The following MYO6 variants were observed in gnomAD, a reference collection of about 807,000 sequenced individuals.
MYO6 encodes the protein myosin VI.
Under a neutral mutation model 178.7 loss-of-function variants are expected in MYO6, and 74 were observed. That is an observed-to-expected ratio of 0.41 (90% CI 0.34 to 0.50). MYO6 has a LOEUF of 0.50. MYO6 is among the 20% of genes least tolerant of loss of function. The pLI, the probability that MYO6 is intolerant of heterozygous loss-of-function variation, is 0.09. For missense variants in MYO6, 1,330 were observed against 1,547.4 expected, an observed-to-expected ratio of 0.86 and a Z score of 2.36; for synonymous variants, 477 against 504.6, an observed-to-expected ratio of 0.95 and a Z score of 0.73.
At chr6:75,846,902 C>T (rs3798440) in intron 10 of MYO6, among the ~76,000 whole-genome samples, 19,750 of 151,936 alleles carry the variant, frequency 0.13, 1,361 homozygotes, top group Non-Finnish European at 0.15. Flanking sequence ...ATTGAGTGTG[C>T]GTTTATATGT....
chr6:75,751,390 A>T (rs193273453), intron 1 of MYO6, among the ~76,000 whole-genome samples: 1 of 152,196 alleles, frequency 6.6e-6, no homozygotes, highest in Non-Finnish European at 1.5e-5. Context: ...ATTTAAGGAA[A>T]GATCATGATT....
chr6:75,837,236 C>T (rs1486762567), intron 7 of MYO6, among the ~76,000 whole-genome samples: 1 of 152,160 alleles, frequency 6.6e-6, no homozygotes, highest in Non-Finnish European at 1.5e-5. Flanking sequence ...TAATTTAAAT[C>T]TTCACAGAAT....
intron 15 of MYO6, 21 bp downstream of exon 15, chr6:75,861,116 C>T (rs754312126): frequency 1.3e-6 from 2 of 1,560,150 alleles, no homozygotes; most frequent in African/African-American, 2.7e-5. Context: ...TTTAACTCCA[C>T]CTTTGAAAAA....
At chr6:75,821,235 CT>C (rs1323074905) in intron 2 of MYO6, among the ~76,000 whole-genome samples, 1 of 152,088 alleles carries the variant, frequency 6.6e-6, no homozygotes, top group Non-Finnish European at 1.5e-5. Flanking sequence ...TTCTTGGAAC[CT>C]TTTTAATTTG....
At chr6:75,874,142 C>G (rs1047876962) in intron 20 of MYO6, among the ~76,000 whole-genome samples, 3 of 152,120 alleles carry the variant, frequency 2.0e-5, no homozygotes, top group Admixed American at 6.6e-5. Flanking sequence ...TTAAATAAAC[C>G]CCTTCCAAAG....
intron 30 of MYO6, among the ~76,000 whole-genome samples, chr6:75,901,343 A>T (rs1029255489): frequency 6.6e-6 from 1 of 152,158 alleles, no homozygotes; most frequent in Non-Finnish European, 1.5e-5. Flanking sequence ...CATTTTCACG[A>T]TATTGATTCT....
chr6:75,908,692 T>C (rs1158964761), intron 32 of MYO6, 65 bp downstream of exon 32: 81 of 1,535,510 alleles, frequency 5.3e-5, no homozygotes, highest in Non-Finnish European at 6.8e-5. Context: ...GTATCTGTAC[T>C]TAAGACATGG....
intron 1 of MYO6, among the ~76,000 whole-genome samples, chr6:75,783,373 C>T (rs1030405897): frequency 3.9e-5 from 6 of 152,096 alleles, no homozygotes; most frequent in African/African-American, 7.2e-5. Context: ...TTCACTGAAC[C>T]GGTAACCCAA....
chr6:75,752,966 T>G (rs1562107016), intron 1 of MYO6, among the ~76,000 whole-genome samples: 4 of 152,214 alleles, frequency 2.6e-5, no homozygotes, highest in South Asian at 2.1e-4. Context: ...ATTACATAAT[T>G]AATTCTCTAA....
chr6:75,907,889 A>T (rs567957022), intron 31 of MYO6, among the ~76,000 whole-genome samples, 181 bp downstream of exon 31: 7 of 152,056 alleles, frequency 4.6e-5, no homozygotes, highest in Admixed American at 3.3e-4. Context: ...AACAAATGGC[A>T]ATGCAGTGCT....
rs66507445 is a variant in MYO6, at chr6:75,906,667, C to T, written c.3177-938C>T. On this transcript the variant is annotated intron_variant, in intron 30 of 34. Transcript: ENST00000369977. The stretch of plus-strand genomic sequence containing the variant: ...CTCCAGCCTGGGTGAAAGAGCCAGA[C>T]CCCTTCTCAAAAAAAACAAAAAACA... Among the ~76,000 whole-genome samples, 758 of 152,066 alleles carry T rather than the reference C, an allele frequency of 5.0e-3. 7 individuals carry two copies. The highest frequency in any genetic ancestry group is 0.017 in the African/African-American group (695 of 41,434).
chr6:75,789,665 ATG>A (rs1225715082), intron 1 of MYO6, among the ~76,000 whole-genome samples: 2 of 152,130 alleles, frequency 1.3e-5, no homozygotes, highest in African/African-American at 4.8e-5. Context: ...ATGGGGTACA[ATG>A]TGATGTTTCA....
chr6:75,765,936 G>T (rs1174933187), intron 1 of MYO6, among the ~76,000 whole-genome samples: 1 of 152,122 alleles, frequency 6.6e-6, no homozygotes, highest in Non-Finnish European at 1.5e-5. Flanking sequence ...GCTGAAGTGG[G>T]AGGATTGCTT....
intron 1 of MYO6, among the ~76,000 whole-genome samples, chr6:75,801,179 A>T (rs960647467): frequency 2.6e-5 from 4 of 152,148 alleles, no homozygotes; most frequent in African/African-American, 9.7e-5. Context: ...GGTTTAATTG[A>T]CTCACAGTTT....
chr6:75,892,953 C>T (rs1019048204), intron 28 of MYO6, among the ~76,000 whole-genome samples: 1 of 151,888 alleles, frequency 6.6e-6, no homozygotes, highest in African/African-American at 2.4e-5. Flanking sequence ...AATATATCAA[C>T]CTTTACCCTG....
At chr6:75,908,324 G>A (rs982469003) in intron 31 of MYO6, among the ~76,000 whole-genome samples, 172 bp from the exon 32 acceptor site, 1 of 152,040 alleles carries the variant, frequency 6.6e-6, no homozygotes, top group African/African-American at 2.4e-5. Flanking sequence ...CTGTGAATTT[G>A]AACAATAATA....
intron 1 of MYO6, among the ~76,000 whole-genome samples, chr6:75,751,685 C>T (rs568879825): frequency 3.9e-5 from 6 of 152,086 alleles, no homozygotes; most frequent in Non-Finnish European, 2.9e-5. Context: ...GTGACTTTGC[C>T]TGGAGTCTGT....
At chr6:75,799,702 G>A (rs1320422907) in intron 1 of MYO6, among the ~76,000 whole-genome samples, 2 of 151,978 alleles carry the variant, frequency 1.3e-5, no homozygotes, top group Non-Finnish European at 2.9e-5. Flanking sequence ...AATGAAACAA[G>A]ATGGCTCTTG....
chr6:75,808,679 A>G (rs1213217815), intron 1 of MYO6, among the ~76,000 whole-genome samples: 1 of 152,194 alleles, frequency 6.6e-6, no homozygotes, highest in Non-Finnish European at 1.5e-5. Context: ...CAATTTAGAA[A>G]GTTTATTTTG....
Sources: gnomAD v4.1 joint callset for allele counts (sites outside exome capture counted in the v4.1 genomes callset) on GRCh38, gnomAD v4.1.1 for gene constraint, MANE v1.5 for transcripts, NCBI Gene and HGNC (gene_info 2026-07-23, HGNC 2026-07-21) for gene names.